The following NCK2 variants were observed in gnomAD, a reference collection of about 807,000 sequenced individuals.
The protein encoded by NCK2 is NCK adaptor protein 2, also known as cytoplasmic protein NCK2.
Under a neutral mutation model 33.9 loss-of-function variants are expected in NCK2, and 16 were observed. That is an observed-to-expected ratio of 0.47 (90% CI 0.32 to 0.72). The LOEUF (loss-of-function observed/expected upper bound fraction) is 0.72, where lower values mean the gene tolerates loss of function less well. NCK2 is among the 30% of genes least tolerant of loss of function. The pLI is 0.03. For missense variants in NCK2, 418 were observed against 537.3 expected, an observed-to-expected ratio of 0.78 and a Z score of 2.19; for synonymous variants, 273 against 239.9, an observed-to-expected ratio of 1.14 and a Z score of -1.27.
chr2:105,766,700 C>T (rs551128093), intron 1 of NCK2, among the ~76,000 whole-genome samples: 10 of 152,168 alleles, frequency 6.6e-5, no homozygotes, highest in Admixed American at 3.9e-4. Context: ...AGAATCCTGG[C>T]GGGGGCGGGG....
intron 1 of NCK2, among the ~76,000 whole-genome samples, chr2:105,768,667 GT>G (rs996972972): frequency 6.6e-6 from 1 of 152,008 alleles, no homozygotes; most frequent in Admixed American, 6.6e-5. Flanking sequence ...AACATGATGA[GT>G]TTTTTTTGAA....
chr2:105,834,917 A>G (rs369724788), intron 2 of NCK2, among the ~76,000 whole-genome samples: 1 of 152,050 alleles, frequency 6.6e-6, no homozygotes, highest in Non-Finnish European at 1.5e-5. Context: ...GGCTCAAGCA[A>G]TCCTCCCATC....
chr2:105,849,329 A>T (rs1342162033), intron 2 of NCK2, among the ~76,000 whole-genome samples: 1 of 152,192 alleles, frequency 6.6e-6, no homozygotes, highest in Non-Finnish European at 1.5e-5. Flanking sequence ...TGGAGGCTAC[A>T]GTGAGCTGTG....
At chr2:105,783,516 C>T (rs569567520) in intron 1 of NCK2, among the ~76,000 whole-genome samples, 2 of 152,248 alleles carry the variant, frequency 1.3e-5, no homozygotes, top group East Asian at 1.9e-4. Flanking sequence ...TGGGAAGCTT[C>T]GTACACCACC....
Position 105,816,417 on chromosome 2 carries a change from T to G in NCK2, c.-200-13T>G, listed in dbSNP as rs546205016. On this transcript the variant is annotated splice_polypyrimidine_tract_variant and intron_variant, in intron 1 of 4. Transcript: ENST00000233154. ...GAAGCAAGCAGACCTAATATATGCT[T>G]CTTTCTTTTTAGATTTCATGTGTTC... is the stretch of plus-strand genomic sequence containing the variant. The G allele has an allele frequency of 3.3e-5, 5 of 152,326 alleles. No homozygotes were observed. The highest frequency in any genetic ancestry group is 7.2e-5 in the African/African-American group (3 of 41,568). The allele number at this position is 152,326 out of a possible 1,614,324, so 9.4% of individuals were successfully genotyped here. A position where few individuals can be genotyped will look rare whatever the true frequency, so the allele number is the denominator to read the frequency against.
intron 2 of NCK2, among the ~76,000 whole-genome samples, chr2:105,848,318 G>T (rs569369101): frequency 6.6e-6 from 1 of 152,176 alleles, no homozygotes; most frequent in Non-Finnish European, 1.5e-5. Context: ...CTGGCTTTCT[G>T]CAGCTGAAGA....
At chr2:105,805,310 G>C (rs983060709) in intron 1 of NCK2, among the ~76,000 whole-genome samples, 2 of 152,144 alleles carry the variant, frequency 1.3e-5, no homozygotes, top group African/African-American at 4.8e-5. Context: ...AAAGGGTCCA[G>C]CGTTTGAGGA....
chr2:105,774,733 G>A (rs147661118), intron 1 of NCK2, among the ~76,000 whole-genome samples: 5 of 152,240 alleles, frequency 3.3e-5, no homozygotes, highest in Admixed American at 6.5e-5. Flanking sequence ...TGTTCCACAA[G>A]TACACTCAAT....
intron 1 of NCK2, among the ~76,000 whole-genome samples, chr2:105,807,856 TCCCTTCTCTCTATC>T (rs1675139676): frequency 2.1e-5 from 1 of 48,472 alleles, no homozygotes; most frequent in Non-Finnish European, 3.4e-5. Flanking sequence ...CCTCCCTCCC[TCCCTTCTCTCTATC>T]TCTCCCTCCC....
At chr2:105,821,397 G>A (rs1480030835) in intron 2 of NCK2, among the ~76,000 whole-genome samples, 1 of 152,128 alleles carries the variant, frequency 6.6e-6, no homozygotes, top group Non-Finnish European at 1.5e-5. Context: ...CAAATAAATG[G>A]GCCCATCTCA....
At chr2:105,854,981 A>G in intron 2 of NCK2, 67 bp from the exon 3 acceptor site, 1 of 1,233,370 alleles carries the variant, frequency 8.1e-7, no homozygotes, top group East Asian at 2.4e-5. Flanking sequence ...TAATTTTTCA[A>G]GTTGGTGCAA....
rs768027105 is a variant in NCK2 at position 105,855,106 on chromosome 2, G to A, written c.43G>A (p.Ala15Thr). ...VIVIAKWDYTAQQDQELDIKK... is the reference protein window; with the variant it reads ...VIVIAKWDYTTQQDQELDIKK... ...TGTGATAGCCAAGTGGGACTACACC[G>A]CCCAGCAGGACCAGGAGCTGGACAT... Residue 15 changes from alanine to threonine, a missense_variant, in exon 3 of 5, where the codon GCC becomes ACC. Physicochemically the swap from Ala to Thr is moderately conservative, Grantham distance 58 (BLOSUM62 0). Transcript: ENST00000233154. 4.3e-6 allele frequency: 7 copies of A among 1,614,196 alleles called. No homozygotes were observed. Among genetic ancestry groups the A allele is most frequent in the Non-Finnish European group, 5.9e-6 (7 of 1,180,034 alleles).
At chr2:105,831,446 T>C (rs1676183260) in intron 2 of NCK2, among the ~76,000 whole-genome samples, 2 of 151,810 alleles carry the variant, frequency 1.3e-5, no homozygotes, top group Admixed American at 1.3e-4. Context: ...AATATCATTC[T>C]ATGCTGTAAA....
intron 1 of NCK2, among the ~76,000 whole-genome samples, chr2:105,770,627 C>T (rs910641771): frequency 1.3e-5 from 2 of 152,132 alleles, no homozygotes; most frequent in Admixed American, 6.5e-5. Context: ...ATGATCAGGT[C>T]AGTGATTCGG....
intron 3 of NCK2, among the ~76,000 whole-genome samples, chr2:105,858,272 T>C (rs1428929749): frequency 6.6e-6 from 1 of 152,184 alleles, no homozygotes; most frequent in African/African-American, 2.4e-5. Flanking sequence ...TTGTTTTTGT[T>C]TTTTGAGACA....
chr2:105,885,482 A>G (rs1166455249), intron 4 of NCK2, among the ~76,000 whole-genome samples: 1 of 152,108 alleles, frequency 6.6e-6, no homozygotes, highest in Non-Finnish European at 1.5e-5. Context: ...TTTACCCAAA[A>G]CTCTATTTTC....
At chr2:105,808,036 G>A (rs78527978) in intron 1 of NCK2, among the ~76,000 whole-genome samples, 56 of 152,024 alleles carry the variant, frequency 3.7e-4, no homozygotes, top group African/African-American at 1.1e-3. Context: ...TTGAGTAGCC[G>A]GGACTACAGG....
At chr2:105,861,629 T>G (rs1407333195) in intron 3 of NCK2, among the ~76,000 whole-genome samples, 2 of 151,648 alleles carry the variant, frequency 1.3e-5, no homozygotes. Flanking sequence ...ATTCTCCTGC[T>G]TCAGCCTCCC....
intron 1 of NCK2, among the ~76,000 whole-genome samples, chr2:105,754,888 G>T (rs182937793): frequency 6.7e-4 from 102 of 152,178 alleles, no homozygotes; most frequent in Non-Finnish European, 1.2e-3. Flanking sequence ...AACCTTGGTT[G>T]CAGAATCTAG....
Sources: gnomAD v4.1 joint callset for allele counts (sites outside exome capture counted in the v4.1 genomes callset) on GRCh38, gnomAD v4.1.1 for gene constraint, MANE v1.5 for transcripts, NCBI Gene and HGNC (gene_info 2026-07-23, HGNC 2026-07-21) for gene names.